Variants in ZNF490 observed in about 807,000 individuals in gnomAD.
ZNF490 encodes the protein zinc finger protein 490.
A neutral mutation model predicts 17.7 loss-of-function variants in ZNF490; 11 were observed. The ratio of observed to expected loss-of-function variants is 0.62; its 90% CI spans 0.39 to 1.03. The LOEUF (loss-of-function observed/expected upper bound fraction) is 1.03, where lower values mean the gene tolerates loss of function less well. Ranked by LOEUF, ZNF490 falls within the 50% of genes least tolerant of loss-of-function variation. The pLI, the probability that ZNF490 is intolerant of heterozygous loss-of-function variation, is 0.00. For missense variants in ZNF490, 542 were observed against 643.4 expected (o/e 0.84, Z 1.71); for synonymous variants, 222 against 216.1 (o/e 1.03, Z -0.24).
At chr19:12,597,035 C>T in intron 2 of ZNF490, 1 of 444,588 alleles carries the variant, frequency 2.2e-6, no homozygotes, top group Non-Finnish European at 4.6e-6. Flanking sequence ...GGCCCAGCCC[C>T]ACGCTGCTGG....
At chr19:12,603,927 TGATTTTTG>T (rs1162647573) in intron 2 of ZNF490, among the ~76,000 whole-genome samples, 6 of 151,690 alleles carry the variant, frequency 4.0e-5, no homozygotes, top group Non-Finnish European at 8.8e-5. Flanking sequence ...GTTAATGGGG[TGATTTTTG>T]GAAAGCTCCT....
intron 2 of ZNF490, among the ~76,000 whole-genome samples, chr19:12,594,013 C>T (rs1242638051): frequency 2.0e-5 from 3 of 152,162 alleles, no homozygotes; most frequent in African/African-American, 7.2e-5. Context: ...GCCCAGGGCC[C>T]AGGAGAGCCT....
Position 12,576,813 on chromosome 19 carries a change from CA to C in ZNF490, c.*3671del, listed in dbSNP as rs149742929. Among the ~76,000 whole-genome samples, 565 of 37,530 alleles carry C rather than the reference CA, an allele frequency of 0.015. No homozygotes were observed. The highest frequency in any genetic ancestry group is 0.017 in the Non-Finnish European group (327 of 18,694). The allele number at this position is 37,530 out of a possible 152,430, so 24.6% of individuals were successfully genotyped here. ...GCCTGGCAACAGTGAGAATCCATCT[CA>C]AAAAAAAAAAAAAAAAAAAAAACCT... On this transcript the variant is annotated 3_prime_UTR_variant, in exon 5 of 5. Coordinates refer to ENST00000311437, the MANE Select transcript of ZNF490 (RefSeq NM_020714.3).
chr19:12,588,173 A>G (rs1253589621), intron 2 of ZNF490, among the ~76,000 whole-genome samples: 1 of 151,366 alleles, frequency 6.6e-6, no homozygotes. Flanking sequence ...CAATTTTTAT[A>G]TTTTTAGTAG....
chr19:12,601,419 TCTCA>T (rs1359366839), intron 2 of ZNF490, among the ~76,000 whole-genome samples: 1 of 147,334 alleles, frequency 6.8e-6, no homozygotes, highest in Non-Finnish European at 1.5e-5. Flanking sequence ...AGAATTGGGG[TCTCA>T]CTCTGTCACC....
chr19:12,589,871 CATGTATGTATGT>C (rs557685394), intron 2 of ZNF490, among the ~76,000 whole-genome samples: 64 of 149,584 alleles, frequency 4.3e-4, no homozygotes, highest in East Asian at 2.8e-3. Flanking sequence ...TCTCACCATT[CATGTATGTATGT>C]ATGTATGTAT....
chr19:12,581,040 A>G lies in ZNF490; in HGVS notation c.1035T>C (p.Ser345=), dbSNP rs1447965478. ...TCACGTGTTTTCGAAGGCTTGAGTG[A>G]GAAAAGAAGGCTCTCCCACATTCCC... ...VCRECGRAFF[S]HSSLRKHVKT... Residue 345 remains serine (S), a synonymous_variant, in exon 5 of 5, where the codon TCT becomes TCC. Transcript: ENST00000311437. 6.2e-7 allele frequency: 1 copy of G among 1,613,980 alleles called. No homozygotes were observed. The highest frequency in any genetic ancestry group is 1.1e-5 in the South Asian group (1 of 91,062).
rs1452431266 is a variant in ZNF490, at chr19:12,610,601, T to G, written c.80A>C (p.Gln27Pro). 9 of 1,613,866 alleles carry G rather than the reference T, an allele frequency of 5.6e-6. No homozygotes were observed. The highest frequency in any genetic ancestry group is 5.0e-5 in the Admixed American group (3 of 59,958). The change falls in exon 1 of 5, where the codon CAA (glutamine) becomes CCA (proline). Residue 27 changes from glutamine to proline, a missense_variant. By Grantham distance (76) the Gln-to-Pro change is moderately conservative. Coordinates refer to ENST00000311437, the MANE Select transcript of ZNF490 (RefSeq NM_020714.3). ...EQVQSKWSSS[Q>P]GRTGTGGSDV... is the part of the protein sequence containing the mutation. Reference sequence around the variant, plus strand: ...AGACCCTCCTGTTCCTGTGCGGCCTTGACTAGACGACCACTTGCTCTGGAC... The same window carrying G: ...AGACCCTCCTGTTCCTGTGCGGCCTGGACTAGACGACCACTTGCTCTGGAC...
Position 12,586,690 on chromosome 19 carries a change from C to CT in ZNF490, c.163-3135dup, listed in dbSNP as rs1227812773. On this transcript the variant is annotated intron_variant, in intron 2 of 4. Transcript: ENST00000311437. Reference sequence around the variant, plus strand: ...ATCAGACCAGAAATTTATTTCTTTTCTTTTTTTTTTGAGACAGAGTCTTAC... The same window carrying CT: ...ATCAGACCAGAAATTTATTTCTTTTCTTTTTTTTTTTGAGACAGAGTCTTAC... 3.2e-4 allele frequency among the ~76,000 whole-genome samples: 29 copies of CT among 89,254 alleles called. 7 individuals are homozygous for CT. The highest frequency in any genetic ancestry group is 6.7e-4 in the Non-Finnish European group (22 of 33,010). 58.6% of individuals were successfully genotyped at this position (89,254 alleles called of 152,430 possible). A position where few individuals can be genotyped will look rare whatever the true frequency, so the allele number is the denominator to read the frequency against.
At chr19:12,591,856 A>T (rs2022876136) in intron 2 of ZNF490, among the ~76,000 whole-genome samples, 1 of 152,022 alleles carries the variant, frequency 6.6e-6, no homozygotes, top group Admixed American at 6.6e-5. Context: ...ACACACTCTT[A>T]AATTGTAATC....
intron 2 of ZNF490, among the ~76,000 whole-genome samples, chr19:12,593,049 G>C (rs1360694908): frequency 6.6e-6 from 1 of 152,184 alleles, no homozygotes; most frequent in Non-Finnish European, 1.5e-5. Flanking sequence ...AGGATGCCTT[G>C]TTCAAAAGCC....
In ZNF490 at chr19:12,576,813, CAAAAAAAAAA is replaced by C. The variant is rs149742929; in HGVS notation, c.*3662_*3671del. Among the ~76,000 whole-genome samples, 1 of 37,558 alleles carries C rather than the reference CAAAAAAAAAA, an allele frequency of 2.7e-5. No individual in the cohort carries two copies. Among genetic ancestry groups the C allele is most frequent in the African/African-American group, 1.0e-4 (1 of 9,704 alleles). The allele number at this position is 37,558 out of a possible 152,430, so 24.6% of individuals were successfully genotyped here. A position where few individuals can be genotyped will look rare whatever the true frequency, so the allele number is the denominator to read the frequency against. ...GCCTGGCAACAGTGAGAATCCATCTCAAAAAAAAAAAAAAAAAAAAAAACCTAAAAGCATT... is the reference window on the plus strand; with the variant it reads ...GCCTGGCAACAGTGAGAATCCATCTCAAAAAAAAAAAAACCTAAAAGCATT... On this transcript the variant is annotated 3_prime_UTR_variant, in exon 5 of 5. Transcript: ENST00000311437.
Position 12,578,528 on chromosome 19 carries a change from A to T in ZNF490, c.*1957T>A. On this transcript the variant is annotated 3_prime_UTR_variant, in exon 5 of 5. Transcript: ENST00000311437. Reference sequence around the variant, plus strand: ...GTCCAAAGTGTAGGTTTGAGATGGGAAATGGAGCTGGAGATGACCTCAAAA... The same window carrying T: ...GTCCAAAGTGTAGGTTTGAGATGGGTAATGGAGCTGGAGATGACCTCAAAA... The T allele has an allele frequency of 1.0e-6, 1 of 985,450 alleles. No individual in the cohort carries two copies. Among genetic ancestry groups the T allele is most frequent in the Non-Finnish European group, 1.2e-6 (1 of 829,948 alleles). 61.0% of individuals were successfully genotyped at this position (985,450 alleles called of 1,614,324 possible). A position where few individuals can be genotyped will look rare whatever the true frequency, so the allele number is the denominator to read the frequency against.
At position 12,577,918 on chromosome 19, in the gene ZNF490, C is replaced by A; in HGVS notation, c.*2567G>T. ...ACTCCAACAAAGGACAGACCCGACC[C>A]CTATCGTGCCTATGCAATTCAGAAA... On this transcript the variant is annotated 3_prime_UTR_variant, in exon 5 of 5. Coordinates refer to ENST00000311437, the MANE Select transcript of ZNF490 (RefSeq NM_020714.3). The A allele has an allele frequency of 1.0e-6, 1 of 985,412 alleles. No individual in the cohort carries two copies. The highest frequency in any genetic ancestry group is 1.2e-6 in the Non-Finnish European group (1 of 829,948). The allele number at this position is 985,412 out of a possible 1,614,324, so 61.0% of individuals were successfully genotyped here.
intron 2 of ZNF490, 52 bp downstream of exon 2, chr19:12,609,106 G>T (rs1245241885): frequency 1.3e-6 from 2 of 1,587,772 alleles, no homozygotes; most frequent in Non-Finnish European, 1.7e-6. Context: ...GACCCAAATG[G>T]TCATTATAAA....
rs777687337 is a variant in ZNF490, at chr19:12,578,498, C to T, written c.*1987G>A. On this transcript the variant is annotated 3_prime_UTR_variant, in exon 5 of 5. Coordinates refer to ENST00000311437, the MANE Select transcript of ZNF490 (RefSeq NM_020714.3). Reference sequence around the variant, plus strand: ...AGAAATTCAGATGTGAATGTTTAAACAAGTGTCCAAAGTGTAGGTTTGAGA... The same window carrying T: ...AGAAATTCAGATGTGAATGTTTAAATAAGTGTCCAAAGTGTAGGTTTGAGA... The T allele has an allele frequency of 8.2e-5, 81 of 985,324 alleles. No individual in the cohort carries two copies. The highest frequency in any genetic ancestry group is 9.4e-5 in the Non-Finnish European group (78 of 829,968). The allele number at this position is 985,324 out of a possible 1,614,324, so 61.0% of individuals were successfully genotyped here. A position where few individuals can be genotyped will look rare whatever the true frequency, so the allele number is the denominator to read the frequency against.
At position 12,578,582 on chromosome 19, in the gene ZNF490, T is replaced by G; in HGVS notation, c.*1903A>C. 1.0e-6 allele frequency: 1 copy of G among 985,446 alleles called. No individual in the cohort carries two copies. The highest frequency in any genetic ancestry group is 1.2e-6 in the Non-Finnish European group (1 of 829,944). The allele number at this position is 985,446 out of a possible 1,614,324, so 61.0% of individuals were successfully genotyped here. A position where few individuals can be genotyped will look rare whatever the true frequency, so the allele number is the denominator to read the frequency against. ...CCCTGGAATAATGCAATGCTGACAA[T>G]GTCTGTGAATTAGGATGTGCATAGG... On this transcript the variant is annotated 3_prime_UTR_variant, in exon 5 of 5. Coordinates refer to ENST00000311437, the MANE Select transcript of ZNF490 (RefSeq NM_020714.3).
At chr19:12,593,600 C>A (rs1327808148) in intron 2 of ZNF490, among the ~76,000 whole-genome samples, 1 of 152,164 alleles carries the variant, frequency 6.6e-6, no homozygotes, top group Non-Finnish European at 1.5e-5. Context: ...TAGACAATCA[C>A]TCAAGAGTGT....
rs1054774130 is a variant in ZNF490, at chr19:12,576,969, G to C, written c.*3516C>G. On this transcript the variant is annotated 3_prime_UTR_variant, in exon 5 of 5. Coordinates refer to ENST00000311437, the MANE Select transcript of ZNF490 (RefSeq NM_020714.3). Reference sequence around the variant, plus strand: ...GACACAAATTCACAAACCCACAGGTGTAACAGCCCAGATACTAAAAGATTC... The same window carrying C: ...GACACAAATTCACAAACCCACAGGTCTAACAGCCCAGATACTAAAAGATTC... Among the ~76,000 whole-genome samples the C allele has an allele frequency of 6.6e-6, 1 of 152,034 alleles. No homozygotes were observed. The highest frequency in any genetic ancestry group is 1.5e-5 in the Non-Finnish European group (1 of 68,018).
Sources: gnomAD v4.1 joint callset for allele counts (sites outside exome capture counted in the v4.1 genomes callset) on GRCh38, gnomAD v4.1.1 for gene constraint, MANE v1.5 for transcripts, NCBI Gene and HGNC (gene_info 2026-07-23, HGNC 2026-07-21) for gene names.